Variants in NCAM2 observed in about 807,000 individuals in gnomAD.
NCAM2 encodes neural cell adhesion molecule 2, also known as N-CAM-2.
Under a neutral mutation model 98.1 loss-of-function variants are expected in NCAM2, and 30 were observed. The ratio of observed to expected loss-of-function variants is 0.31; its 90% confidence interval spans 0.23 to 0.41. The LOEUF is 0.41. Among genes scored for constraint, NCAM2 ranks in the 10% least tolerant of loss-of-function variants. The probability of loss-of-function intolerance (pLI) is 1.00; values close to 1 mark genes in which losing one functional copy is unlikely to be tolerated. For synonymous variants in NCAM2, 368 were observed against 342.4 expected, an observed-to-expected ratio of 1.07 and a Z score of -0.83; for missense variants, 867 against 1,005.8, an observed-to-expected ratio of 0.86 and a Z score of 1.87.
chr21:21,501,956 A>G (rs543047600), intron 15 of NCAM2, among the ~76,000 whole-genome samples: 2 of 152,150 alleles, frequency 1.3e-5, no homozygotes, highest in East Asian at 3.9e-4. Flanking sequence ...TTTCCCAGAA[A>G]TTGGTAAATA....
intron 9 of NCAM2, among the ~76,000 whole-genome samples, chr21:21,392,760 T>C (rs958732837): frequency 6.6e-6 from 1 of 152,216 alleles, no homozygotes; most frequent in Non-Finnish European, 1.5e-5. Flanking sequence ...TTTTGAGAAG[T>C]GTCTGTTCAT....
intron 16 of NCAM2, among the ~76,000 whole-genome samples, chr21:21,516,510 C>T (rs559471040): frequency 6.6e-6 from 1 of 152,054 alleles, no homozygotes; most frequent in Admixed American, 6.5e-5. Context: ...TATTGAAATT[C>T]TTCTGAATTT....
Position 21,534,754 on chromosome 21 carries a change from G to C in NCAM2, c.2402+98G>C, listed in dbSNP as rs185231935. 4.9e-5 allele frequency: 55 copies of C among 1,116,014 alleles called. No individual in the cohort carries two copies. In the African/African-American group the frequency reaches 6.7e-4, roughly 14 times the overall value. The allele number at this position is 1,116,014 out of a possible 1,614,324, so 69.1% of individuals were successfully genotyped here. A position where few individuals can be genotyped will look rare whatever the true frequency, so the allele number is the denominator to read the frequency against. On this transcript the variant is annotated intron_variant, in intron 17 of 17. Coordinates refer to ENST00000400546, the MANE Select transcript of NCAM2 (RefSeq NM_004540.5). The stretch of plus-strand genomic sequence containing the variant: ...TTACATATTTAAATATTAATTATTT[G>C]TAAAAGAATTGTGCTTTTACTTTTT...
chr21:21,317,706 C>A (rs2074260375), intron 5 of NCAM2, among the ~76,000 whole-genome samples: 1 of 151,866 alleles, frequency 6.6e-6, no homozygotes, highest in Non-Finnish European at 1.5e-5. Context: ...CTAATTTTTT[C>A]TATTTTTTTG....
At chr21:21,399,924 A>G (rs2076593389) in intron 9 of NCAM2, among the ~76,000 whole-genome samples, 1 of 152,228 alleles carries the variant, frequency 6.6e-6, no homozygotes, top group Non-Finnish European at 1.5e-5. Context: ...GCATTAAGCA[A>G]GTAATCAAGT....
At chr21:21,476,500 T>C (rs1269376793) in intron 14 of NCAM2, among the ~76,000 whole-genome samples, 1 of 152,056 alleles carries the variant, frequency 6.6e-6, no homozygotes, top group African/African-American at 2.4e-5. Flanking sequence ...TGTGTTTAAA[T>C]TTTTAATACA....
At chr21:21,071,328 G>C (rs1320732944) in intron 1 of NCAM2, among the ~76,000 whole-genome samples, 1 of 152,128 alleles carries the variant, frequency 6.6e-6, no homozygotes, top group Admixed American at 6.5e-5. Flanking sequence ...AAGCAAATTG[G>C]TAAACATTGG....
chr21:21,080,506 C>T (rs1270355227), intron 1 of NCAM2, among the ~76,000 whole-genome samples: 3 of 151,506 alleles, frequency 2.0e-5, no homozygotes, highest in African/African-American at 7.3e-5. Context: ...ATCCCAGCTA[C>T]TTGGGAAGCT....
chr21:21,135,728 T>C (rs1017174691), intron 1 of NCAM2, among the ~76,000 whole-genome samples: 1 of 152,144 alleles, frequency 6.6e-6, no homozygotes, highest in African/African-American at 2.4e-5. Flanking sequence ...GTTTGCCAAA[T>C]TCAACTCCTA....
chr21:21,213,290 A>G (rs567128179), intron 1 of NCAM2, among the ~76,000 whole-genome samples: 3 of 152,304 alleles, frequency 2.0e-5, no homozygotes, highest in Admixed American at 6.5e-5. Context: ...TAACGTTAAT[A>G]CTAAGTTTTA....
intron 9 of NCAM2, among the ~76,000 whole-genome samples, chr21:21,380,711 A>G (rs531581555): frequency 4.3e-4 from 65 of 152,234 alleles, no homozygotes; most frequent in African/African-American, 1.4e-3. Flanking sequence ...CTCTGTCTCA[A>G]ACTTTCCTTG....
Position 21,286,249 on chromosome 21 carries a change from GTTT to G in NCAM2, c.338-18_338-16del. 1 of 1,471,348 alleles carries G rather than the reference GTTT, an allele frequency of 6.8e-7. No homozygotes were observed. 91.1% of individuals were successfully genotyped at this position (1,471,348 alleles called of 1,614,324 possible). Reference sequence around the variant, plus strand: ...TTTTGTGATTTGTGATTTGTGATTTGTTTTACTTTGTTGATACAGAAAAACTCA... The same window carrying G: ...TTTTGTGATTTGTGATTTGTGATTTGTACTTTGTTGATACAGAAAAACTCA... On this transcript the variant is annotated splice_polypyrimidine_tract_variant and intron_variant, in intron 3 of 17. Coordinates refer to ENST00000400546, the MANE Select transcript of NCAM2 (RefSeq NM_004540.5).
rs141683683 is a variant in NCAM2, at chr21:21,375,161, A to G, written c.1195+1148A>G. Among the ~76,000 whole-genome samples the G allele has an allele frequency of 7.9e-3, 1,196 of 151,314 alleles. 14 individuals carry two copies. Among genetic ancestry groups the G allele is most frequent in the African/African-American group, 0.028 (1,147 of 41,354 alleles). ...ACATGTACCCTAAAACTTAAAGTAT[A>G]ATAATAATAAAAAGGAAAGAAATTC... On this transcript the variant is annotated intron_variant, in intron 9 of 17. Transcript: ENST00000400546.
chr21:21,382,919 A>G (rs1428907982), intron 9 of NCAM2, among the ~76,000 whole-genome samples: 2 of 151,732 alleles, frequency 1.3e-5, no homozygotes, highest in Non-Finnish European at 2.9e-5. Flanking sequence ...CTATAGTTTC[A>G]TCCATTTCAT....
intron 1 of NCAM2, among the ~76,000 whole-genome samples, chr21:21,227,294 A>T (rs970997856): frequency 1.3e-5 from 2 of 151,938 alleles, no homozygotes; most frequent in East Asian, 3.9e-4. Context: ...GTTCACCTAG[A>T]TCACTGAATC....
chr21:21,038,714 C>G (rs563379333), intron 1 of NCAM2, among the ~76,000 whole-genome samples: 2 of 152,174 alleles, frequency 1.3e-5, no homozygotes, highest in African/African-American at 2.4e-5. Flanking sequence ...TTACCAGTCT[C>G]AGGAATTTCT....
At chr21:21,237,272 G>T (rs879551361) in intron 1 of NCAM2, among the ~76,000 whole-genome samples, 1 of 151,992 alleles carries the variant, frequency 6.6e-6, no homozygotes. Context: ...TGTCACTGTG[G>T]TTTCAATTTT....
intron 1 of NCAM2, among the ~76,000 whole-genome samples, chr21:21,124,948 A>C (rs1334337646): frequency 6.6e-6 from 1 of 152,174 alleles, no homozygotes; most frequent in Non-Finnish European, 1.5e-5. Flanking sequence ...GCTGATTGTT[A>C]AACACAGCCA....
In NCAM2 at chr21:21,292,075, C is replaced by T. The variant is rs8134502; in HGVS notation, c.482-29C>T. On this transcript the variant is annotated intron_variant, in intron 4 of 17. Transcript: ENST00000400546. ...TGGACTTAGCCTTCAATTACTGATA[C>T]CATTTTCTCCCCTTTGCTTTCTTTC... 3,779 of 1,594,166 alleles carry T rather than the reference C, an allele frequency of 2.4e-3. 80 individuals carry two copies. The African/African-American group carries it at 0.046, about 19-fold the overall frequency.
Sources: allele counts gnomAD v4.1 joint callset (sites outside exome capture counted in the v4.1 genomes callset), GRCh38; gene constraint gnomAD v4.1.1; transcripts MANE v1.5; gene names NCBI Gene and HGNC (gene_info 2026-07-23, HGNC 2026-07-21).